CD302: variants seen among roughly 807,000 people sequenced by gnomAD.
The protein encoded by CD302 is CD302 antigen.
CD302 carries 23 observed loss-of-function variants against 26.5 expected under a neutral mutation model. The observed-to-expected ratio is 0.87, with a 90% confidence interval of 0.62 to 1.23. The LOEUF (loss-of-function observed/expected upper bound fraction) is 1.23. Among genes scored for constraint, CD302 ranks in the 50% most tolerant of loss-of-function variants. The probability of loss-of-function intolerance (pLI) is 0.00; values close to 1 mark genes in which losing one functional copy is unlikely to be tolerated. For missense variants in CD302, 290 were observed against 275.5 expected (o/e 1.05, Z -0.37); for synonymous variants, 90 against 99.4 (o/e 0.91, Z 0.56).
intron 4 of CD302, among the ~76,000 whole-genome samples, chr2:159,779,447 A>G (rs1259527804): frequency 6.6e-6 from 1 of 152,158 alleles, no homozygotes; most frequent in Non-Finnish European, 1.5e-5. Context: ...CAAAGAGATT[A>G]TAATAATTCC....
At chr2:159,780,830 A>G in intron 3 of CD302, 52 bp downstream of exon 3, 13 of 1,524,902 alleles carry the variant, frequency 8.5e-6, no homozygotes, top group South Asian at 2.3e-5. Context: ...CAGTTTTGCT[A>G]CATTAAAAAA....
intron 1 of CD302, among the ~76,000 whole-genome samples, chr2:159,797,663 T>C (rs1334135934): frequency 6.6e-6 from 1 of 152,144 alleles, no homozygotes; most frequent in Non-Finnish European, 1.5e-5. Flanking sequence ...ACAGCGCTGC[T>C]TGCAAAAGAG....
chr2:159,790,427 T>A (rs1708778177), intron 1 of CD302, among the ~76,000 whole-genome samples: 1 of 152,026 alleles, frequency 6.6e-6, no homozygotes, highest in South Asian at 2.1e-4. Flanking sequence ...CAGTTACAGG[T>A]ACCTAGTAAG....
At position 159,790,763 on chromosome 2, in the gene CD302, C is replaced by T. The variant is rs34532515; in HGVS notation, c.68-7294G>A. On this transcript the variant is annotated intron_variant, in intron 1 of 5. Transcript: ENST00000259053. ...TTATAAATCATTGGCAATTATTGAA[C>T]CACAGGTTCAGAAATGCACTTTTGT... is the stretch of plus-strand genomic sequence containing the variant. Among the ~76,000 whole-genome samples, 822 of 152,254 alleles carry T rather than the reference C, an allele frequency of 5.4e-3. 5 individuals carry two copies. Among genetic ancestry groups the T allele is most frequent in the Middle Eastern group, 0.024 (7 of 294 alleles).
At chr2:159,784,165 CA>C (rs1574495768) in intron 1 of CD302, among the ~76,000 whole-genome samples, 1 of 151,908 alleles carries the variant, frequency 6.6e-6, no homozygotes, top group East Asian at 1.9e-4. Flanking sequence ...GTATTAAAAG[CA>C]AAAGTAACCC....
chr2:159,791,225 T>C (rs1018032023), intron 1 of CD302, among the ~76,000 whole-genome samples: 5 of 152,180 alleles, frequency 3.3e-5, no homozygotes, highest in African/African-American at 7.2e-5. Flanking sequence ...TACCAGATGA[T>C]AGATTTATTG....
intron 5 of CD302, among the ~76,000 whole-genome samples, chr2:159,773,503 G>A (rs1708218464): frequency 6.6e-6 from 1 of 152,186 alleles, no homozygotes; most frequent in Non-Finnish European, 1.5e-5. Flanking sequence ...TAGTAATTGA[G>A]AAATATTTAC....
intron 1 of CD302, among the ~76,000 whole-genome samples, chr2:159,794,800 G>A (rs1708906395): frequency 6.6e-6 from 1 of 150,538 alleles, no homozygotes; most frequent in Non-Finnish European, 1.5e-5. Context: ...CACCCGCCTC[G>A]GCCTCCCAAA....
In CD302 at chr2:159,781,228, T is replaced by A. The variant is rs536278636; in HGVS notation, c.179-230A>T. 2.0e-5 allele frequency among the ~76,000 whole-genome samples: 3 copies of A among 152,270 alleles called. No homozygotes were observed. The South Asian group carries it at 6.2e-4, about 32-fold the overall frequency. ...AATTATGTTTATGTCTCAGTATACT[T>A]TACATAATTTTTTTTAAGGGATGGA... On this transcript the variant is annotated intron_variant, in intron 2 of 5. Coordinates refer to ENST00000259053, the MANE Select transcript of CD302 (RefSeq NM_014880.5).
intron 5 of CD302, among the ~76,000 whole-genome samples, chr2:159,776,472 C>T (rs189593976): frequency 2.4e-4 from 36 of 152,088 alleles, no homozygotes; most frequent in Admixed American, 3.9e-4. Flanking sequence ...TTTGAAGAAC[C>T]ACCACACTGT....
chr2:159,787,456 T>C (rs1412540945), intron 1 of CD302, among the ~76,000 whole-genome samples: 2 of 152,150 alleles, frequency 1.3e-5, no homozygotes, highest in East Asian at 1.9e-4. Flanking sequence ...CTTTTTCTTT[T>C]AGCTTGTTAA....
In CD302 at chr2:159,798,121, TA is replaced by T. The variant is rs1198014192; in HGVS notation, c.67+10del. The T allele has an allele frequency of 6.7e-7, 1 of 1,492,762 alleles. No homozygotes were observed. The highest frequency in any genetic ancestry group is 2.9e-5 in the East Asian group (1 of 34,472). The allele number at this position is 1,492,762 out of a possible 1,614,324, so 92.5% of individuals were successfully genotyped here. Reference sequence around the variant, plus strand: ...CGCACGGTCCCGGCGAGGGACTACGTAAGGGCTTACCCGCGACGGCAGCAGC... The same window carrying T: ...CGCACGGTCCCGGCGAGGGACTACGTAGGGCTTACCCGCGACGGCAGCAGC... On this transcript the variant is annotated intron_variant, in intron 1 of 5. Transcript: ENST00000259053.
intron 1 of CD302, among the ~76,000 whole-genome samples, chr2:159,789,353 G>C (rs911860839): frequency 6.6e-6 from 1 of 151,932 alleles, no homozygotes; most frequent in Admixed American, 6.6e-5. Flanking sequence ...TATAATGTCA[G>C]TGATTTTTCA....
chr2:159,771,496 TA>T lies in CD302; in HGVS notation c.*354del, dbSNP rs1241708762. 5.8e-6 allele frequency: 1 copy of T among 171,108 alleles called. No individual in the cohort carries two copies. Among genetic ancestry groups the T allele is most frequent in the Admixed American group, 5.9e-5 (1 of 16,988 alleles). The allele number at this position is 171,108 out of a possible 1,614,324, so 10.6% of individuals were successfully genotyped here. A position where few individuals can be genotyped will look rare whatever the true frequency, so the allele number is the denominator to read the frequency against. On this transcript the variant is annotated 3_prime_UTR_variant, in exon 6 of 6. Coordinates refer to ENST00000259053, the MANE Select transcript of CD302 (RefSeq NM_014880.5). ...TTATTCCCCATTTCATGTTTACTAA[TA>T]AACATATAAACTAAAGTGGGTCAAC...
At chr2:159,782,489 T>G (rs997910762) in intron 2 of CD302, among the ~76,000 whole-genome samples, 19 of 149,948 alleles carry the variant, frequency 1.3e-4, no homozygotes, top group Admixed American at 4.6e-4. Context: ...TCCCAGCACC[T>G]TGGAAGGCCA....
At chr2:159,773,693 C>T (rs1708224121) in intron 5 of CD302, among the ~76,000 whole-genome samples, 1 of 152,072 alleles carries the variant, frequency 6.6e-6, no homozygotes. Flanking sequence ...GTGACAAAGT[C>T]AATTGTCAAG....
chr2:159,793,794 T>C (rs1708870982), intron 1 of CD302, among the ~76,000 whole-genome samples: 1 of 152,160 alleles, frequency 6.6e-6, no homozygotes, highest in Non-Finnish European at 1.5e-5. Flanking sequence ...CATATCACTC[T>C]TCCCAATCTA....
intron 2 of CD302, among the ~76,000 whole-genome samples, chr2:159,781,206 T>G (rs1432745938): frequency 6.6e-6 from 1 of 152,164 alleles, no homozygotes; most frequent in Non-Finnish European, 1.5e-5. Context: ...TCATTGAAAT[T>G]ATGTTTATGT....
chr2:159,777,367 TAC>T (rs1708366128), intron 5 of CD302, among the ~76,000 whole-genome samples: 1 of 152,208 alleles, frequency 6.6e-6, no homozygotes, highest in Non-Finnish European at 1.5e-5. Context: ...AAATTGACAA[TAC>T]CATCATGGGA....
Sources: gnomAD v4.1 joint callset for allele counts (sites outside exome capture counted in the v4.1 genomes callset) on GRCh38, gnomAD v4.1.1 for gene constraint, MANE v1.5 for transcripts, NCBI Gene and HGNC (gene_info 2026-07-23, HGNC 2026-07-21) for gene names.